Variants in OSBPL9 observed in about 807,000 individuals in gnomAD.
The protein encoded by OSBPL9 is oxysterol binding protein like 9, also known as oxysterol-binding protein-related protein 9.
Under a neutral mutation model 106.6 loss-of-function variants are expected in OSBPL9, and 40 were observed. The observed-to-expected ratio is 0.38, with a 90% CI of 0.29 to 0.49. The LOEUF (loss-of-function observed/expected upper bound fraction) is 0.49, where lower values mean the gene tolerates loss of function less well. OSBPL9 is among the 20% of genes least tolerant of loss of function. OSBPL9 has a pLI of 0.97. For missense variants in OSBPL9, 609 were observed against 887.2 expected (o/e 0.69, Z 3.98); for synonymous variants, 269 against 295.4 (o/e 0.91, Z 0.92).
rs976056400 is a variant in OSBPL9 at position 51,729,799 on chromosome 1, G to A, written c.318+15720G>A. On this transcript the variant is annotated intron_variant, in intron 4 of 23. Transcript: ENST00000428468. The surrounding 1 kb of genome is among the most constrained non-coding windows in gnomAD (Gnocchi z 5.1). ...GACCCCTCCGCCGGGGAGGGGACGG[G>A]AAAGGGGTGGGGGGTGAAGGGGGTG... 4.6e-5 allele frequency: 57 copies of A among 1,226,662 alleles called. No individual in the cohort carries two copies. The highest frequency in any genetic ancestry group is 5.5e-5 in the Non-Finnish European group (54 of 975,134). The allele number at this position is 1,226,662 out of a possible 1,614,324, so 76.0% of individuals were successfully genotyped here.
the OSBPL9 span, among the ~76,000 whole-genome samples, chr1:51,522,247 G>A: frequency 6.6e-6 from 1 of 152,106 alleles, no homozygotes; most frequent in Non-Finnish European, 1.5e-5. Flanking sequence ...TTGACAGCAG[G>A]CTTGGGTCTT....
intron 2 of OSBPL9, among the ~76,000 whole-genome samples, chr1:51,608,840 CT>C (rs1003510885): frequency 6.6e-5 from 10 of 152,058 alleles, no homozygotes; most frequent in Admixed American, 6.6e-4. Flanking sequence ...TAGACACAGG[CT>C]GCTGAGAATT....
chr1:51,757,645 T>C (rs1247273118), intron 9 of OSBPL9, among the ~76,000 whole-genome samples: 1 of 152,100 alleles, frequency 6.6e-6, no homozygotes, highest in African/African-American at 2.4e-5. Context: ...TATCTTTGAA[T>C]CATTTGCCCA....
chr1:51,626,333 T>C (rs1265774281), intron 1 of OSBPL9, among the ~76,000 whole-genome samples: 1 of 152,200 alleles, frequency 6.6e-6, no homozygotes, highest in Non-Finnish European at 1.5e-5. Flanking sequence ...GCTCACAAAC[T>C]TTTCGGGGAT....
chr1:51,594,165 G>A (rs193036638), intron 1 of OSBPL9, among the ~76,000 whole-genome samples: 10 of 152,184 alleles, frequency 6.6e-5, no homozygotes, highest in African/African-American at 1.9e-4. Context: ...GGGAGGCCGA[G>A]GTGTGTGGAT....
chr1:51,519,151 G>T, the OSBPL9 span: 1 of 1,358,450 alleles, frequency 7.4e-7, no homozygotes. Context: ...GGCGGTGGGG[G>T]AGGGGGCACC....
chr1:51,541,446 A>C, the OSBPL9 span, among the ~76,000 whole-genome samples: 2 of 152,156 alleles, frequency 1.3e-5, no homozygotes, highest in Non-Finnish European at 2.9e-5. Context: ...CCTGTTAGTC[A>C]TAGTTTTTAT....
At position 51,602,018 on chromosome 1, in the gene OSBPL9, C is replaced by CTTTTTTTTTTTTTTTTTTTT. The variant is rs758760414; in HGVS notation, c.-353+3826_-353+3845dup. On this transcript the variant is annotated intron_variant, in intron 2 of 25. Transcript: ENST00000371714. ...AGTCAATTGTTCCATTCTTGGGGTTCTTTTTTTTTTTTTTTTTTTTGAGAC... is the reference window on the plus strand; with the variant it reads ...AGTCAATTGTTCCATTCTTGGGGTTCTTTTTTTTTTTTTTTTTTTTTTTTTTTTTTTTTTTTTTTTGAGAC... 1.0e-4 allele frequency among the ~76,000 whole-genome samples: 8 copies of CTTTTTTTTTTTTTTTTTTTT among 76,406 alleles called. 1 individual carries two copies. The highest frequency in any genetic ancestry group is 4.6e-4 in the Admixed American group (2 of 4,382). 50.1% of individuals were successfully genotyped at this position (76,406 alleles called of 152,430 possible). A position where few individuals can be genotyped will look rare whatever the true frequency, so the allele number is the denominator to read the frequency against.
chr1:51,719,004 C>A (rs1040497881), intron 4 of OSBPL9, among the ~76,000 whole-genome samples: 1 of 152,130 alleles, frequency 6.6e-6, no homozygotes, highest in Non-Finnish European at 1.5e-5. Context: ...TTCAGCTAAA[C>A]CTTCTGTAAG....
intron 12 of OSBPL9, among the ~76,000 whole-genome samples, chr1:51,770,180 A>T (rs928629076): frequency 6.6e-6 from 1 of 150,776 alleles, no homozygotes; most frequent in Non-Finnish European, 1.5e-5. Flanking sequence ...CTGTCGCCCA[A>T]ACTGGAGCTG....
chr1:51,566,357 C>T, the OSBPL9 span: 5 of 152,208 alleles, frequency 3.3e-5, no homozygotes, highest in Admixed American at 1.3e-4. Flanking sequence ...CTTCCAGATC[C>T]TCTATGTGCA....
upstream of OSBPL9, among the ~76,000 whole-genome samples, chr1:51,616,089 C>T (rs1644051555): frequency 6.7e-6 from 1 of 149,492 alleles, no homozygotes; most frequent in Non-Finnish European, 1.5e-5. Context: ...ATCTCGGCTC[C>T]GAGGTTCAAG....
chr1:51,597,326 C>A (rs376593485), intron 1 of OSBPL9, among the ~76,000 whole-genome samples: 1 of 151,420 alleles, frequency 6.6e-6, no homozygotes, highest in African/African-American at 2.4e-5. Flanking sequence ...GTTGGGATGT[C>A]GGTGTATAAT....
chr1:51,772,027 A>G (rs767175721), intron 12 of OSBPL9, 43 bp from the exon 13 acceptor site: 13 of 1,456,786 alleles, frequency 8.9e-6, no homozygotes, highest in Admixed American at 1.8e-5. Context: ...ATGATTCTAA[A>G]TTGCTTTCTT....
chr1:51,730,959 CT>C (rs1367821102), intron 4 of OSBPL9, among the ~76,000 whole-genome samples: 1 of 151,996 alleles, frequency 6.6e-6, no homozygotes, highest in Non-Finnish European at 1.5e-5. Flanking sequence ...TGAACACTGC[CT>C]GTATTGAACT....
At chr1:51,784,930 C>A in intron 20 of OSBPL9, 1 of 271,702 alleles carries the variant, frequency 3.7e-6, no homozygotes, top group South Asian at 5.0e-5. Context: ...GACTTTGTGA[C>A]CCCTGCAGCA....
the OSBPL9 span, among the ~76,000 whole-genome samples, chr1:51,543,741 C>T: frequency 2.6e-5 from 4 of 152,300 alleles, no homozygotes; most frequent in Middle Eastern, 3.4e-3. Flanking sequence ...AAAAGTCACA[C>T]ATCTAACTCA....
chr1:51,709,975 A>G (rs1301991328), intron 3 of OSBPL9: 1 of 152,276 alleles, frequency 6.6e-6, no homozygotes, highest in Non-Finnish European at 1.5e-5. Flanking sequence ...AGAAATGGCA[A>G]CCCAGAGAAT....
the OSBPL9 span, among the ~76,000 whole-genome samples, chr1:51,565,111 G>A: frequency 1.3e-5 from 2 of 152,156 alleles, no homozygotes; most frequent in Admixed American, 6.5e-5. Context: ...TCTCTCTGCA[G>A]GCCTCTCTTT....
Sources: allele counts gnomAD v4.1 joint callset (sites outside exome capture counted in the v4.1 genomes callset), GRCh38; gene constraint gnomAD v4.1.1; non-coding constraint Gnocchi (gnomAD v3.1); transcripts MANE v1.5; gene names NCBI Gene and HGNC (gene_info 2026-07-23, HGNC 2026-07-21).